DIP2B: variants seen among roughly 807,000 people sequenced by gnomAD.
The protein encoded by DIP2B is disco-interacting protein 2 homolog B.
Under a neutral mutation model 198.0 loss-of-function variants are expected in DIP2B, and 76 were observed. The ratio of observed to expected loss-of-function variants is 0.38; its 90% CI spans 0.32 to 0.46. The LOEUF (loss-of-function observed/expected upper bound fraction) is 0.46. Ranked by LOEUF, DIP2B falls within the 20% of genes least tolerant of loss-of-function variation. The pLI is 0.99. For synonymous variants in DIP2B, 701 were observed against 739.1 expected (o/e 0.95, Z 0.84); for missense variants, 1,559 against 1,978.4 (o/e 0.79, Z 4.02).
In DIP2B at chr12:50,660,303, T is replaced by A. The variant is rs148198953; in HGVS notation, c.411T>A (p.Asp137Glu). 2.1e-5 allele frequency: 34 copies of A among 1,609,792 alleles called. No individual in the cohort carries two copies. The highest frequency in any genetic ancestry group is 2.8e-5 in the Non-Finnish European group (33 of 1,178,112). ...CCACATTTGTTCAGTCTCCTGCAGATGCCTGCACACCTCCTGGTAGGTTTA... is the reference window on the plus strand; with the variant it reads ...CCACATTTGTTCAGTCTCCTGCAGAAGCCTGCACACCTCCTGGTAGGTTTA... The part of the protein sequence containing the change: ...RRSTFVQSPA[D>E]ACTPPDTSSA... The change falls in exon 4 of 38, where the codon GAT becomes GAA. Residue 137 changes from aspartate to glutamate, a missense_variant. Coordinates refer to ENST00000301180, the MANE Select transcript of DIP2B (RefSeq NM_173602.3).
chr12:50,526,760 C>T (rs563134239), intron 1 of DIP2B, among the ~76,000 whole-genome samples: 1 of 150,698 alleles, frequency 6.6e-6, no homozygotes, highest in African/African-American at 2.4e-5. Flanking sequence ...CTCAGCCTCA[C>T]CAGTAGCTGA....
intron 1 of DIP2B, among the ~76,000 whole-genome samples, chr12:50,574,785 T>G (rs1958644150): frequency 6.6e-6 from 1 of 152,214 alleles, no homozygotes; most frequent in Admixed American, 6.5e-5. Context: ...GTAGGAGAAG[T>G]AGCCTGACTA....
At chr12:50,713,101 C>A (rs1187540758) in intron 22 of DIP2B, among the ~76,000 whole-genome samples, 1 of 152,016 alleles carries the variant, frequency 6.6e-6, no homozygotes, top group African/African-American at 2.4e-5. Context: ...TCTGGTTTTT[C>A]TTTTTAAATT....
chr12:50,670,394 T>A (rs550648787), intron 4 of DIP2B, among the ~76,000 whole-genome samples: 1 of 152,188 alleles, frequency 6.6e-6, no homozygotes, highest in South Asian at 2.1e-4. Context: ...CCTAGCTCAC[T>A]GTTTGGCACG....
At chr12:50,516,241 C>CTATCTCTATCTCTA (rs1555180928) in intron 1 of DIP2B, among the ~76,000 whole-genome samples, 9 of 141,104 alleles carry the variant, frequency 6.4e-5, no homozygotes, top group African/African-American at 2.5e-4. Flanking sequence ...CTCTCTCTCT[C>CTATCTCTATCTCTA]TCTCTATCTC....
chr12:50,572,443 T>C (rs892802418), intron 1 of DIP2B, among the ~76,000 whole-genome samples: 8 of 152,200 alleles, frequency 5.3e-5, no homozygotes, highest in African/African-American at 1.7e-4. Flanking sequence ...GCTAAACTTA[T>C]GGCATGCTGG....
chr12:50,656,679 C>T (rs1938559975), intron 3 of DIP2B, among the ~76,000 whole-genome samples: 1 of 152,188 alleles, frequency 6.6e-6, no homozygotes, highest in African/African-American at 2.4e-5. Context: ...TCAAGCAATT[C>T]TTGTGCCTCA....
At chr12:50,548,466 A>G (rs950774590) in intron 1 of DIP2B, among the ~76,000 whole-genome samples, 5 of 152,174 alleles carry the variant, frequency 3.3e-5, no homozygotes, top group African/African-American at 7.2e-5. Flanking sequence ...CTGACATTCA[A>G]TTAAGCTACA....
At chr12:50,687,721 G>A (rs1164008084) in intron 12 of DIP2B, among the ~76,000 whole-genome samples, 1 of 151,958 alleles carries the variant, frequency 6.6e-6, no homozygotes, top group African/African-American at 2.4e-5. Context: ...ATATCACACC[G>A]GGGCCTGTTG....
chr12:50,564,965 AT>A (rs917474126), intron 1 of DIP2B, among the ~76,000 whole-genome samples: 7 of 152,112 alleles, frequency 4.6e-5, no homozygotes, highest in African/African-American at 1.7e-4. Flanking sequence ...TTCTGCACGT[AT>A]TGAGGCCATT....
At chr12:50,726,578 A>T (rs1362410889) in intron 28 of DIP2B, among the ~76,000 whole-genome samples, 1 of 151,858 alleles carries the variant, frequency 6.6e-6, no homozygotes, top group Non-Finnish European at 1.5e-5. Flanking sequence ...CTCGAACCCC[A>T]GTCCTCAAGT....
chr12:50,692,852 C>G, intron 13 of DIP2B, 97 bp from the exon 14 acceptor site: 1 of 1,069,822 alleles, frequency 9.3e-7, no homozygotes, highest in African/African-American at 1.6e-5. Flanking sequence ...AAAAAGCAAA[C>G]AAACATCAAA....
rs139859081 is a variant in DIP2B, at chr12:50,690,356, G to A, written c.1552-693G>A. Among the ~76,000 whole-genome samples, 161 of 152,272 alleles carry A rather than the reference G, an allele frequency of 1.1e-3. 3 individuals carry two copies. In the East Asian group the frequency reaches 0.027, roughly 25 times the overall value. ...CCACCTTGGCCTCCCAAAGTTCTGGGATTACAGGCGTGAGCCACCGCACCC... is the reference window on the plus strand; with the variant it reads ...CCACCTTGGCCTCCCAAAGTTCTGGAATTACAGGCGTGAGCCACCGCACCC... On this transcript the variant is annotated intron_variant, in intron 12 of 37. Coordinates refer to ENST00000301180, the MANE Select transcript of DIP2B (RefSeq NM_173602.3).
chr12:50,563,362 T>A (rs897129511), intron 1 of DIP2B, among the ~76,000 whole-genome samples: 1 of 152,040 alleles, frequency 6.6e-6, no homozygotes, highest in Non-Finnish European at 1.5e-5. Context: ...AATTTTTGTA[T>A]TTTTTGTAGA....
chr12:50,505,372 T>G (rs1957957869), intron 1 of DIP2B, 132 bp downstream of exon 1: 1 of 623,054 alleles, frequency 1.6e-6, no homozygotes. Context: ...GGCCTGGCGC[T>G]CCACGACCGT....
chr12:50,675,325 A>G lies in DIP2B; in HGVS notation c.797-4A>G, dbSNP rs1227385705. On this transcript the variant is annotated splice_region_variant and splice_polypyrimidine_tract_variant and intron_variant, in intron 6 of 37. Transcript: ENST00000301180. The stretch of plus-strand genomic sequence containing the variant: ...TTTTAACTTAACCATTTTTTCCCTT[A>G]TAGGTGTTCCTGTCAGTAGCAGAGT... The G allele has an allele frequency of 6.2e-7, 1 of 1,610,820 alleles. No homozygotes were observed.
chr12:50,544,056 C>T (rs147625105), intron 1 of DIP2B, among the ~76,000 whole-genome samples: 1,723 of 150,306 alleles, frequency 0.011, 19 homozygotes, highest in Non-Finnish European at 0.017. Flanking sequence ...GGTGAAACCT[C>T]GTCTCTACTA....
chr12:50,562,698 C>T (rs1165259576), intron 1 of DIP2B, among the ~76,000 whole-genome samples: 1 of 151,304 alleles, frequency 6.6e-6, no homozygotes, highest in African/African-American at 2.4e-5. Context: ...GATCATGCCA[C>T]TGCACTCCAG....
At chr12:50,733,475 C>T (rs1282862312) in intron 32 of DIP2B, among the ~76,000 whole-genome samples, 1 of 152,040 alleles carries the variant, frequency 6.6e-6, no homozygotes, top group South Asian at 2.1e-4. Flanking sequence ...ATTGCTTGAG[C>T]CCTGAAGTTT....
Sources: gnomAD v4.1 joint callset for allele counts (sites outside exome capture counted in the v4.1 genomes callset) on GRCh38, gnomAD v4.1.1 for gene constraint, MANE v1.5 for transcripts, NCBI Gene and HGNC (gene_info 2026-07-23, HGNC 2026-07-21) for gene names.